Variants in RBPJ observed in about 807,000 individuals in gnomAD.
RBPJ encodes the protein recombination signal binding protein for immunoglobulin kappa J region, also known as recombining binding protein suppressor of hairless.
Under a neutral mutation model 67.8 loss-of-function variants are expected in RBPJ, and 9 were observed. The observed-to-expected ratio is 0.13, with a 90% confidence interval of 0.08 to 0.23. RBPJ has a LOEUF of 0.23. Ranked by LOEUF, RBPJ falls within the 10% of genes least tolerant of loss-of-function variation. The pLI, the probability that RBPJ is intolerant of heterozygous loss-of-function variation, is 1.00. For synonymous variants in RBPJ, 198 were observed against 203.3 expected (o/e 0.97, Z 0.22); for missense variants, 305 against 595.6 (o/e 0.51, Z 5.08).
intron 1 of RBPJ, among the ~76,000 whole-genome samples, chr4:26,244,379 G>A (rs12502518): frequency 0.24 from 490 of 2,040 alleles, 123 homozygotes; most frequent in Middle Eastern, 0.75. Context: ...ATGTGTACAC[G>A]TGTGTGTATA....
chr4:26,188,941 AT>A (rs1451703589), intron 1 of RBPJ, among the ~76,000 whole-genome samples: 6 of 152,260 alleles, frequency 3.9e-5, no homozygotes, highest in African/African-American at 1.4e-4. Flanking sequence ...TTGCAATAAA[AT>A]GATACAGTAT....
chr4:26,381,715 A>G (rs1054462261), intron 1 of RBPJ, among the ~76,000 whole-genome samples: 9 of 152,212 alleles, frequency 5.9e-5, no homozygotes, highest in Admixed American at 2.0e-4. Context: ...AGGGAAAAGT[A>G]TACAGAACAT....
In RBPJ at chr4:26,334,074, TCCGTCGCC is replaced by T. The variant is rs1724546275; in HGVS notation, c.20+13028_20+13035del. Among the ~76,000 whole-genome samples the T allele has an allele frequency of 2.0e-5, 3 of 151,722 alleles. No homozygotes were observed. In the South Asian group the frequency reaches 6.2e-4, roughly 32 times the overall value. On this transcript the variant is annotated intron_variant, in intron 1 of 10. Coordinates refer to ENST00000355476, the MANE Select transcript of RBPJ (RefSeq NM_015874.6). Reference sequence around the variant, plus strand: ...TTTTTTTTTTTTGATGGAGTCTCGCTCCGTCGCCCAGGCTGGAGCGCAGTGATGCTATC... The same window carrying T: ...TTTTTTTTTTTTGATGGAGTCTCGCTCAGGCTGGAGCGCAGTGATGCTATC...
At chr4:26,114,421 T>C in the RBPJ span, among the ~76,000 whole-genome samples, 3 of 147,494 alleles carry the variant, frequency 2.0e-5, no homozygotes, top group Non-Finnish European at 4.5e-5. Context: ...CGCACCACTG[T>C]ACTCCAGCCC....
At chr4:26,248,127 C>G (rs1719988372) in intron 1 of RBPJ, among the ~76,000 whole-genome samples, 2 of 152,202 alleles carry the variant, frequency 1.3e-5, no homozygotes, top group South Asian at 4.1e-4. Flanking sequence ...CCTGTCTCTA[C>G]TAAAAATACA....
At chr4:26,213,006 A>G (rs1377439795) in intron 1 of RBPJ, among the ~76,000 whole-genome samples, 1 of 152,130 alleles carries the variant, frequency 6.6e-6, no homozygotes, top group East Asian at 1.9e-4. Flanking sequence ...TGCACTCAGG[A>G]CCTTCCAGAC....
rs1315124699 is a variant in RBPJ, at chr4:26,406,262, T to C, written c.147T>C (p.Asn49=). ...AAGTTGCACAGAAGTCATATGGAAA[T>C]GAAAAAAGGTAAGATTATTTTTCTG... ...HAKVAQKSYG[N]EKRFFCPPPC... Residue 49 remains asparagine (N), a synonymous_variant, in exon 3 of 11, where the codon AAT becomes AAC. Coordinates refer to ENST00000355476, the MANE Select transcript of RBPJ (RefSeq NM_015874.6). 1.9e-6 allele frequency: 3 copies of C among 1,594,970 alleles called. No homozygotes were observed. The highest frequency in any genetic ancestry group is 2.2e-5 in the South Asian group (2 of 90,524).
At chr4:26,289,591 G>A (rs1255803610) in intron 1 of RBPJ, among the ~76,000 whole-genome samples, 2 of 150,356 alleles carry the variant, frequency 1.3e-5, no homozygotes, top group Non-Finnish European at 3.0e-5. Context: ...CTAAATTCAA[G>A]AAGGACTTTA....
At chr4:26,178,180 A>G (rs1238017278) in intron 1 of RBPJ, among the ~76,000 whole-genome samples, 1 of 152,196 alleles carries the variant, frequency 6.6e-6, no homozygotes, top group Non-Finnish European at 1.5e-5. Flanking sequence ...ATCTGATCTG[A>G]CCCAAAGATA....
intron 2 of RBPJ, among the ~76,000 whole-genome samples, chr4:26,398,981 T>C (rs1459113471): frequency 6.6e-6 from 1 of 152,224 alleles, no homozygotes; most frequent in Non-Finnish European, 1.5e-5. Context: ...ATACTAGGTT[T>C]TTTTGCAGTG....
intron 1 of RBPJ, among the ~76,000 whole-genome samples, chr4:26,250,026 T>TC (rs1577357475): frequency 1.3e-5 from 2 of 151,728 alleles, no homozygotes; most frequent in African/African-American, 4.8e-5. Context: ...CCTCAGGTGG[T>TC]CCCCCCGCCA....
chr4:26,416,383 T>C (rs920772779), intron 4 of RBPJ, among the ~76,000 whole-genome samples: 1 of 152,118 alleles, frequency 6.6e-6, no homozygotes, highest in African/African-American at 2.4e-5. Flanking sequence ...TGTGTCACTA[T>C]GTCCAGCTAA....
chr4:26,157,465 A>G, the RBPJ span, among the ~76,000 whole-genome samples: 10 of 152,216 alleles, frequency 6.6e-5, no homozygotes, highest in African/African-American at 2.4e-4. Context: ...TAAAAAGGAA[A>G]ACTAAATCTT....
intron 3 of RBPJ, among the ~76,000 whole-genome samples, chr4:26,414,192 GAC>G (rs1266633695): frequency 6.7e-6 from 1 of 150,266 alleles, no homozygotes; most frequent in Non-Finnish European, 1.5e-5. Context: ...TTTTTTTTAA[GAC>G]AGAGTCTCAC....
chr4:26,208,218 G>C (rs1057142579), intron 1 of RBPJ, among the ~76,000 whole-genome samples: 1 of 152,212 alleles, frequency 6.6e-6, no homozygotes, highest in Non-Finnish European at 1.5e-5. Context: ...CAATGAGATA[G>C]ATACAACTAT....
intron 1 of RBPJ, among the ~76,000 whole-genome samples, chr4:26,307,208 G>T (rs1312945849): frequency 2.0e-5 from 3 of 152,182 alleles, no homozygotes; most frequent in East Asian, 1.9e-4. Context: ...TGAGATGATT[G>T]ATGTCTGTGA....
intron 1 of RBPJ, among the ~76,000 whole-genome samples, chr4:26,236,434 T>G (rs962489629): frequency 2.0e-5 from 3 of 152,192 alleles, no homozygotes; most frequent in South Asian, 4.1e-4. Flanking sequence ...GGGTCTCTCA[T>G]GAAGTTGCAG....
chr4:26,254,843 ATTTTTTTTTTTTTTTTTTTTTTTT>A (rs71643604), intron 1 of RBPJ, among the ~76,000 whole-genome samples: 1,053 of 16,554 alleles, frequency 0.064, 28 homozygotes, highest in South Asian at 0.098. Context: ...ATGCCCAGCT[ATTTTTTTTTTTTTTTTTTTTTTTT>A]TTTTTTTTTT....
chr4:26,361,127 C>CA (rs1728021590), intron 1 of RBPJ, among the ~76,000 whole-genome samples: 1 of 150,218 alleles, frequency 6.7e-6, no homozygotes, highest in Admixed American at 6.7e-5. Flanking sequence ...GGGAAGGGGC[C>CA]AGAGGGATGG....
Sources: gnomAD v4.1 joint callset for allele counts (sites outside exome capture counted in the v4.1 genomes callset) on GRCh38, gnomAD v4.1.1 for gene constraint, MANE v1.5 for transcripts, NCBI Gene and HGNC (gene_info 2026-07-23, HGNC 2026-07-21) for gene names.